The following EHBP1L1 variants were observed in gnomAD, a reference collection of about 807,000 sequenced individuals.
The protein encoded by EHBP1L1 is EH domain-binding protein 1-like protein 1.
EHBP1L1 carries 122 observed loss-of-function variants against 151.1 expected under a neutral mutation model. The observed-to-expected ratio is 0.81, with a 90% CI of 0.70 to 0.94. The LOEUF is 0.94. Among genes scored for constraint, EHBP1L1 ranks in the 40% least tolerant of loss-of-function variants. EHBP1L1 has a pLI of 0.00. For missense variants in EHBP1L1, 1,941 were observed against 1,959.8 expected (o/e 0.99, Z 0.18); for synonymous variants, 878 against 810.1 (o/e 1.08, Z -1.42).
At chr11:65,576,747 G>A (rs1328753315) in intron 1 of EHBP1L1, among the ~76,000 whole-genome samples, 1 of 152,116 alleles carries the variant, frequency 6.6e-6, no homozygotes, top group Non-Finnish European at 1.5e-5. Context: ...ATTGGAAAAG[G>A]GATCAAGTTT....
intron 16 of EHBP1L1, chr11:65,591,477 C>T (rs992700014): frequency 8.5e-6 from 4 of 470,300 alleles, no homozygotes; most frequent in Admixed American, 3.8e-5. Context: ...AGCTTTGCCT[C>T]CCTTTTGCGT....
chr11:65,588,131 C>T (rs1320567689), intron 12 of EHBP1L1, among the ~76,000 whole-genome samples: 2 of 151,700 alleles, frequency 1.3e-5, no homozygotes, highest in African/African-American at 4.8e-5. Context: ...GAGGAGGCTT[C>T]TGGAGACATG....
chr11:65,588,895 GT>G (rs1456056587), intron 12 of EHBP1L1, among the ~76,000 whole-genome samples: 4 of 152,218 alleles, frequency 2.6e-5, no homozygotes, highest in Non-Finnish European at 4.4e-5. Flanking sequence ...TGGCCAGGAG[GT>G]GGAGGTGCTG....
rs1590837664 is a variant in EHBP1L1 at position 65,589,838 on chromosome 11, T to C, written c.4003+18T>C. 2 of 1,558,670 alleles carry C rather than the reference T, an allele frequency of 1.3e-6. No individual in the cohort carries two copies. Among genetic ancestry groups the C allele is most frequent in the Middle Eastern group, 3.3e-4 (2 of 5,978 alleles). On this transcript the variant is annotated intron_variant, in intron 13 of 18. Transcript: ENST00000309295. ...GCCCCCTGGTGAGTAGCAGGAGTGG[T>C]GACCATCTCAGTTCAGGCTGCTCAC... is the stretch of plus-strand genomic sequence containing the variant.
chr11:65,578,664 G>A (rs894394297), intron 1 of EHBP1L1, among the ~76,000 whole-genome samples: 10 of 152,214 alleles, frequency 6.6e-5, no homozygotes, highest in Non-Finnish European at 1.2e-4. Context: ...TTGTGCGAAG[G>A]GACTTCTTTT....
chr11:65,590,322 C>A, intron 15 of EHBP1L1, 112 bp downstream of exon 15: 1 of 1,534,074 alleles, frequency 6.5e-7, no homozygotes. Context: ...CTGGCATCAG[C>A]GTTCCCATTT....
In EHBP1L1 at chr11:65,584,475, A is replaced by G. The variant is rs1441754902; in HGVS notation, c.3252-11A>G. The G allele has an allele frequency of 4.3e-6, 7 of 1,613,182 alleles. No homozygotes were observed. Among genetic ancestry groups the G allele is most frequent in the East Asian group, 2.2e-5 (1 of 44,834 alleles). ...TGTGGACCCAGCCTCTGACCAGCAC[A>G]CTCTCTGCAGTGACTATGCCTCGCT... On this transcript the variant is annotated splice_polypyrimidine_tract_variant and intron_variant, in intron 10 of 18. Coordinates refer to ENST00000309295, the MANE Select transcript of EHBP1L1 (RefSeq NM_001099409.3).
chr11:65,587,480 C>T (rs182134717), intron 12 of EHBP1L1, among the ~76,000 whole-genome samples: 2 of 152,352 alleles, frequency 1.3e-5, no homozygotes, highest in Admixed American at 1.3e-4. Flanking sequence ...TTTCTCCACT[C>T]TCCTGCTTCT....
intron 12 of EHBP1L1, among the ~76,000 whole-genome samples, chr11:65,587,885 G>C (rs1246906686): frequency 2.0e-5 from 3 of 152,202 alleles, no homozygotes; most frequent in African/African-American, 7.2e-5. Context: ...CTGCCTCACA[G>C]GGCTGTTGGG....
chr11:65,581,182 G>A, intron 7 of EHBP1L1, 29 bp from the exon 8 acceptor site: 2 of 1,611,126 alleles, frequency 1.2e-6, no homozygotes, highest in Non-Finnish European at 1.7e-6. Context: ...ACTGGGCCCA[G>A]GCCACAGTGT....
At position 65,583,682 on chromosome 11, in the gene EHBP1L1, G is replaced by A. The variant is rs764177554; in HGVS notation, c.3010G>A (p.Val1004Met). 2.5e-6 allele frequency: 4 copies of A among 1,580,380 alleles called. No homozygotes were observed. The highest frequency in any genetic ancestry group is 3.4e-6 in the Non-Finnish European group (4 of 1,163,764). The change falls in exon 9 of 19, where the codon GTG (valine) becomes ATG (methionine). Residue 1004 changes from valine (V) to methionine (M), a missense_variant. Transcript: ENST00000309295. Reference sequence around the variant, plus strand: ...AGAGGCCAGCCTGCCTGAAGCACAGGTGGCCAGTGGGGCAGGGGCTGGGGC... The same window carrying A: ...AGAGGCCAGCCTGCCTGAAGCACAGATGGCCAGTGGGGCAGGGGCTGGGGC... ...LTEASLPEAQ[V>M]ASGAGAGAPR...
At chr11:65,587,514 C>T (rs1858035703) in intron 12 of EHBP1L1, among the ~76,000 whole-genome samples, 1 of 152,216 alleles carries the variant, frequency 6.6e-6, no homozygotes, top group Non-Finnish European at 1.5e-5. Context: ...GCTCAGCACT[C>T]TTTATGTGCC....
At position 65,592,333 on chromosome 11, in the gene EHBP1L1, C is replaced by T; in HGVS notation, c.*31C>T. 7.3e-7 allele frequency: 1 copy of T among 1,373,994 alleles called. No homozygotes were observed. The highest frequency in any genetic ancestry group is 9.3e-7 in the Non-Finnish European group (1 of 1,069,974). 85.1% of individuals were successfully genotyped at this position (1,373,994 alleles called of 1,614,324 possible). A position where few individuals can be genotyped will look rare whatever the true frequency, so the allele number is the denominator to read the frequency against. On this transcript the variant is annotated 3_prime_UTR_variant, in exon 19 of 19. Transcript: ENST00000309295. ...CCGGCCCGGGTGGCCCATAACTTCT[C>T]GCGTCCCCGGCGTCCGCCGCCGCCC... is the stretch of plus-strand genomic sequence containing the variant.
intron 6 of EHBP1L1, chr11:65,580,812 G>A: frequency 9.9e-7 from 1 of 1,006,462 alleles, no homozygotes; most frequent in Non-Finnish European, 1.4e-6. Flanking sequence ...CAGCCCTCCT[G>A]GGCCAGCTGG....
At chr11:65,578,735 G>C (rs971851487) in intron 1 of EHBP1L1, among the ~76,000 whole-genome samples, 6 of 152,254 alleles carry the variant, frequency 3.9e-5, no homozygotes, top group Non-Finnish European at 5.9e-5. Context: ...GCTCACATGT[G>C]CATCTGTGTC....
intron 12 of EHBP1L1, among the ~76,000 whole-genome samples, chr11:65,588,568 A>G (rs1176359033): frequency 6.6e-6 from 1 of 152,122 alleles, no homozygotes; most frequent in African/African-American, 2.4e-5. Flanking sequence ...CCTCTGAGAG[A>G]GGTACAGGTG....
rs2135258627 is a variant in EHBP1L1, at chr11:65,581,577, C to T, written c.905C>T (p.Pro302Leu). The change falls in exon 9 of 19, where the codon CCA becomes CTA. Residue 302 changes from proline to leucine, a missense_variant. Transcript: ENST00000309295. ...RQPAQDTAPT[P>L]APRLRKGSDA... The stretch of plus-strand genomic sequence containing the variant: ...CCAGCCCAGGACACGGCCCCCACCC[C>T]AGCCCCTCGGCTCCGGAAAGGCTCT... The T allele has an allele frequency of 6.6e-7, 1 of 1,515,232 alleles. No individual in the cohort carries two copies. The highest frequency in any genetic ancestry group is 2.4e-5 in the East Asian group (1 of 42,418). 93.9% of individuals were successfully genotyped at this position (1,515,232 alleles called of 1,614,324 possible).
chr11:65,587,341 C>T (rs1858024044), intron 12 of EHBP1L1, among the ~76,000 whole-genome samples: 1 of 151,458 alleles, frequency 6.6e-6, no homozygotes, highest in Non-Finnish European at 1.5e-5. Flanking sequence ...CCACTGCACT[C>T]CAGCCTGGCA....
chr11:65,576,984 A>C lies in EHBP1L1; in HGVS notation c.104+578A>C, dbSNP rs1301318581. Among the ~76,000 whole-genome samples the C allele has an allele frequency of 4.6e-5, 7 of 152,306 alleles. No homozygotes were observed. The East Asian group carries it at 1.3e-3, about 29-fold the overall frequency. The stretch of plus-strand genomic sequence containing the variant: ...AGGATTGAGGAGGGAGGCGGGGAGC[A>C]GCTTAAAGGGGCCTGAGGACCTAGG... On this transcript the variant is annotated intron_variant, in intron 1 of 18. Coordinates refer to ENST00000309295, the MANE Select transcript of EHBP1L1 (RefSeq NM_001099409.3).
Sources: gnomAD v4.1 joint callset for allele counts (sites outside exome capture counted in the v4.1 genomes callset) on GRCh38, gnomAD v4.1.1 for gene constraint, MANE v1.5 for transcripts, NCBI Gene and HGNC (gene_info 2026-07-23, HGNC 2026-07-21) for gene names.